The following PDE1C variants were observed in gnomAD, a reference collection of about 807,000 sequenced individuals.
PDE1C encodes the protein dual specificity calcium/calmodulin-dependent 3',5'-cyclic nucleotide phosphodiesterase 1C.
In PDE1C, 62 loss-of-function variants were observed where a neutral mutation model predicts 93.1. The observed-to-expected ratio is 0.67, with a 90% CI of 0.54 to 0.82. PDE1C has a LOEUF of 0.82. PDE1C is among the 40% of genes least tolerant of loss of function. PDE1C has a pLI of 0.00. For missense variants in PDE1C, 742 were observed against 884.6 expected (o/e 0.84, Z 2.04); for synonymous variants, 325 against 310.1 (o/e 1.05, Z -0.50).
At chr7:31,942,994 A>G (rs140961541) in intron 2 of PDE1C, among the ~76,000 whole-genome samples, 189 of 152,262 alleles carry the variant, frequency 1.2e-3, no homozygotes, top group South Asian at 4.8e-3. Context: ...TGACTAGTGG[A>G]GTGTGAATGG....
chr7:32,044,029 A>G (rs924253277), intron 2 of PDE1C, among the ~76,000 whole-genome samples: 2 of 152,214 alleles, frequency 1.3e-5, no homozygotes, highest in African/African-American at 4.8e-5. Flanking sequence ...AAATCAATGC[A>G]CATTTAATAA....
chr7:31,770,925 A>G (rs1224339250), intron 17 of PDE1C, among the ~76,000 whole-genome samples: 1 of 152,140 alleles, frequency 6.6e-6, no homozygotes, highest in Non-Finnish European at 1.5e-5. Flanking sequence ...ACTGTGTTCT[A>G]CCTTGAACTT....
intron 1 of PDE1C, among the ~76,000 whole-genome samples, chr7:32,232,143 GA>G (rs904372597): frequency 6.6e-6 from 1 of 151,366 alleles, no homozygotes; most frequent in Non-Finnish European, 1.5e-5. Flanking sequence ...CAGATTAAGG[GA>G]AAAAAAACAG....
At chr7:32,203,730 G>A (rs1309074082) in intron 2 of PDE1C, among the ~76,000 whole-genome samples, 1 of 152,148 alleles carries the variant, frequency 6.6e-6, no homozygotes, top group Non-Finnish European at 1.5e-5. Flanking sequence ...ATCAGAACAC[G>A]ATTCTGCTCA....
At chr7:31,965,975 G>C (rs1188092443) in intron 2 of PDE1C, among the ~76,000 whole-genome samples, 5 of 152,122 alleles carry the variant, frequency 3.3e-5, no homozygotes, top group Admixed American at 3.3e-4. Context: ...ACATGGAAAG[G>C]AACGACCAGT....
intron 1 of PDE1C, among the ~76,000 whole-genome samples, chr7:32,394,824 C>T (rs1784813486): frequency 1.3e-5 from 2 of 152,060 alleles, no homozygotes; most frequent in Admixed American, 1.3e-4. Context: ...AAAAAAATAT[C>T]TAAATAAATA....
At chr7:31,947,831 G>A (rs1324126692) in intron 2 of PDE1C, among the ~76,000 whole-genome samples, 85 of 152,126 alleles carry the variant, frequency 5.6e-4, no homozygotes, top group Non-Finnish European at 2.9e-5. Context: ...CAGTGCATCA[G>A]TTCAACATAG....
intron 2 of PDE1C, among the ~76,000 whole-genome samples, chr7:31,981,286 C>T (rs1812335805): frequency 6.6e-6 from 1 of 152,104 alleles, no homozygotes; most frequent in Admixed American, 6.6e-5. Context: ...TTTTAAATCT[C>T]AAGTTTTGCA....
chr7:31,921,433 A>G lies in PDE1C; in HGVS notation c.129-40573T>C, dbSNP rs376233842. Among the ~76,000 whole-genome samples the G allele has an allele frequency of 1.2e-4, 19 of 152,268 alleles. No individual in the cohort carries two copies. In the East Asian group the frequency reaches 1.5e-3, roughly 12 times the overall value. On this transcript the variant is annotated intron_variant, in intron 2 of 17. Coordinates refer to ENST00000396191, the MANE Select transcript of PDE1C (RefSeq NM_001191057.4). ...CAGAAGTTGGGACACTGGCTCCCCA[A>G]TTTCTCACCTTCCAGGATGCGGCAG...
At chr7:31,861,692 T>A (rs1406732402) in intron 7 of PDE1C, among the ~76,000 whole-genome samples, 1 of 152,120 alleles carries the variant, frequency 6.6e-6, no homozygotes. Flanking sequence ...AAACAGCACT[T>A]TCTTCTCTCC....
chr7:32,104,989 C>T (rs1387330389), intron 3 of PDE1C, among the ~76,000 whole-genome samples: 1 of 152,152 alleles, frequency 6.6e-6, no homozygotes, highest in Non-Finnish European at 1.5e-5. Context: ...GCTCCAAGAA[C>T]CTGCCAAAGT....
chr7:31,642,639 C>G, the PDE1C span: 1 of 1,562,428 alleles, frequency 6.4e-7, no homozygotes. Flanking sequence ...ATTGCCTCCT[C>G]CACTTCCTGA....
chr7:31,642,252 C>T, the PDE1C span: 17 of 1,550,672 alleles, frequency 1.1e-5, no homozygotes, highest in South Asian at 1.9e-4. Context: ...AACCGCTGCC[C>T]CTCCAGGTAG....
At chr7:31,799,491 A>G (rs1360214146) in intron 16 of PDE1C, among the ~76,000 whole-genome samples, 1 of 151,898 alleles carries the variant, frequency 6.6e-6, no homozygotes, top group East Asian at 1.9e-4. Flanking sequence ...AAAAGCTCAG[A>G]GTCATCCATT....
At chr7:31,955,055 A>G (rs1190275690) in intron 2 of PDE1C, among the ~76,000 whole-genome samples, 7 of 152,204 alleles carry the variant, frequency 4.6e-5, no homozygotes, top group South Asian at 2.1e-4. Flanking sequence ...ACAATTTTAT[A>G]TATGTCTCTC....
At chr7:32,246,169 A>G (rs1042845085) in intron 1 of PDE1C, among the ~76,000 whole-genome samples, 3 of 151,896 alleles carry the variant, frequency 2.0e-5, no homozygotes, top group African/African-American at 7.3e-5. Flanking sequence ...AGGTTTCACT[A>G]TGTTTCCCAG....
chr7:32,312,209 G>C (rs1389021201), intron 1 of PDE1C, among the ~76,000 whole-genome samples: 2 of 152,182 alleles, frequency 1.3e-5, no homozygotes, highest in African/African-American at 4.8e-5. Flanking sequence ...GGATGTGAAA[G>C]ACCTCTTCAA....
chr7:31,838,186 CAT>C (rs1791365050), intron 9 of PDE1C, among the ~76,000 whole-genome samples: 1 of 152,080 alleles, frequency 6.6e-6, no homozygotes, highest in Non-Finnish European at 1.5e-5. Flanking sequence ...ATGGAATACA[CAT>C]ATCATTTGGA....
the PDE1C span, among the ~76,000 whole-genome samples, chr7:31,745,175 A>G: frequency 6.6e-6 from 1 of 152,168 alleles, no homozygotes; most frequent in East Asian, 1.9e-4. Context: ...GTTGGAACCA[A>G]TTGCCTGGCG....
Sources: allele counts gnomAD v4.1 joint callset (sites outside exome capture counted in the v4.1 genomes callset), GRCh38; gene constraint gnomAD v4.1.1; transcripts MANE v1.5; gene names NCBI Gene and HGNC (gene_info 2026-07-23, HGNC 2026-07-21).